The following FHIT variants were observed in gnomAD, a reference collection of about 807,000 sequenced individuals.
FHIT encodes bis(5'-adenosyl)-triphosphatase.
A neutral mutation model predicts 17.9 loss-of-function variants in FHIT; 19 were observed. That is an observed-to-expected ratio of 1.06 (90% confidence interval 0.74 to 1.56). FHIT has a LOEUF of 1.56. Ranked by LOEUF, FHIT falls within the 40% of genes most tolerant of loss-of-function variation. The pLI is 0.00. For synonymous variants in FHIT, 81 were observed against 69.7 expected (o/e 1.16, Z -0.81); for missense variants, 248 against 189.2 (o/e 1.31, Z -1.82).
intron 5 of FHIT, among the ~76,000 whole-genome samples, chr3:60,026,507 T>C (rs1364209545): frequency 6.6e-6 from 1 of 152,192 alleles, no homozygotes; most frequent in Non-Finnish European, 1.5e-5. Context: ...CCCATCTCCA[T>C]TTTCTCATTT....
intron 5 of FHIT, among the ~76,000 whole-genome samples, chr3:60,440,489 C>G (rs890544292): frequency 6.6e-6 from 1 of 152,046 alleles, no homozygotes; most frequent in South Asian, 2.1e-4. Context: ...TAATATGTAC[C>G]AGGTCCTACG....
chr3:59,786,250 G>A (rs1397123348), intron 8 of FHIT, among the ~76,000 whole-genome samples: 1 of 152,098 alleles, frequency 6.6e-6, no homozygotes, highest in Non-Finnish European at 1.5e-5. Flanking sequence ...TGAATTACTT[G>A]GGGTGCAGCT....
intron 4 of FHIT, among the ~76,000 whole-genome samples, chr3:60,554,481 A>T (rs1248771114): frequency 1.3e-5 from 2 of 152,208 alleles, no homozygotes; most frequent in Non-Finnish European, 2.9e-5. Flanking sequence ...CATGGACTGT[A>T]TGAAGACATT....
At chr3:59,885,136 G>C (rs533614867) in intron 8 of FHIT, among the ~76,000 whole-genome samples, 1 of 152,272 alleles carries the variant, frequency 6.6e-6, no homozygotes, top group African/African-American at 2.4e-5. Context: ...TGGCGCAAAA[G>C]AAAGCTCATC....
At chr3:61,019,424 G>T (rs566588527) in intron 3 of FHIT, among the ~76,000 whole-genome samples, 4 of 152,156 alleles carry the variant, frequency 2.6e-5, no homozygotes, top group Non-Finnish European at 5.9e-5. Context: ...GAGTAAGGAA[G>T]GAAACAGCAA....
intron 5 of FHIT, among the ~76,000 whole-genome samples, chr3:60,518,261 A>G (rs1366928247): frequency 6.6e-6 from 1 of 152,346 alleles, no homozygotes; most frequent in East Asian, 1.9e-4. Context: ...GTAGAGGGTT[A>G]ATTCGTAAAA....
chr3:60,367,123 G>A (rs1314133265), intron 5 of FHIT, among the ~76,000 whole-genome samples: 1 of 152,142 alleles, frequency 6.6e-6, no homozygotes, highest in African/African-American at 2.4e-5. Flanking sequence ...CTTCCCCTAA[G>A]AATACTAAAT....
intron 5 of FHIT, among the ~76,000 whole-genome samples, chr3:60,130,824 TAG>T (rs1559660846): frequency 4.7e-5 from 7 of 149,498 alleles, no homozygotes; most frequent in Non-Finnish European, 1.0e-4. Context: ...TATGTGTGTA[TAG>T]GTGTGTACAT....
intron 4 of FHIT, among the ~76,000 whole-genome samples, chr3:60,694,309 A>AAAGG (rs1455806216): frequency 6.6e-6 from 1 of 152,102 alleles, no homozygotes; most frequent in Non-Finnish European, 1.5e-5. Context: ...AAAAAAAAAG[A>AAAGG]AAGGAAAGAA....
intron 4 of FHIT, among the ~76,000 whole-genome samples, chr3:60,550,857 A>G (rs241683): frequency 0.95 from 144,538 of 152,176 alleles, 68,715 homozygotes; most frequent in East Asian, 1. Context: ...CACAGGGTGC[A>G]TATTGCAAGC....
At chr3:60,135,332 C>T (rs1699772942) in intron 5 of FHIT, among the ~76,000 whole-genome samples, 1 of 152,032 alleles carries the variant, frequency 6.6e-6, no homozygotes, top group South Asian at 2.1e-4. Context: ...CGAGAAAATG[C>T]TTAAGTTTCA....
At chr3:60,778,094 T>G (rs1217843778) in intron 4 of FHIT, among the ~76,000 whole-genome samples, 1 of 152,236 alleles carries the variant, frequency 6.6e-6, no homozygotes, top group Non-Finnish European at 1.5e-5. Flanking sequence ...ATGCTCAATC[T>G]TCTTTAGGTT....
intron 4 of FHIT, chr3:60,553,244 AT>A (rs907445794): frequency 1.3e-3 from 241 of 184,006 alleles, no homozygotes; most frequent in Middle Eastern, 2.9e-3. Context: ...TGCCACAGGA[AT>A]TTTTTTTTTA....
intron 1 of FHIT, among the ~76,000 whole-genome samples, chr3:61,209,093 T>C (rs2106742746): frequency 6.6e-6 from 1 of 152,210 alleles, no homozygotes; most frequent in African/African-American, 2.4e-5. Context: ...TTTGGCTGGA[T>C]ATGAAATGCT....
At position 59,756,796 on chromosome 3, in the gene FHIT, T is replaced by A. The variant is rs376566437; in HGVS notation, c.349-4475A>T. On this transcript the variant is annotated intron_variant, in intron 8 of 9. Transcript: ENST00000492590. ...TCATTTTGTGCACTCCAGGGCTTAT[T>A]ATTATTGCATGGTCTTATTGCACGG... Among the ~76,000 whole-genome samples the A allele has an allele frequency of 1.6e-4, 25 of 152,296 alleles. No individual in the cohort carries two copies. In the South Asian group the frequency reaches 5.0e-3, roughly 30 times the overall value.
intron 8 of FHIT, among the ~76,000 whole-genome samples, chr3:59,865,590 A>G (rs1230446225): frequency 6.6e-6 from 1 of 152,250 alleles, no homozygotes; most frequent in East Asian, 1.9e-4. Flanking sequence ...GAGCCTCTGC[A>G]GGACATAAAA....
chr3:60,772,412 C>T (rs1361157154), intron 4 of FHIT, among the ~76,000 whole-genome samples: 4 of 148,644 alleles, frequency 2.7e-5, no homozygotes, highest in Admixed American at 1.4e-4. Flanking sequence ...AACCAGAATA[C>T]GAATACCAAG....
intron 5 of FHIT, among the ~76,000 whole-genome samples, chr3:60,355,251 G>A (rs1020068041): frequency 6.6e-6 from 1 of 152,128 alleles, no homozygotes; most frequent in Admixed American, 6.5e-5. Flanking sequence ...CGATTTACAA[G>A]CTTTCCATTT....
chr3:60,255,502 CG>C (rs1373423050), intron 5 of FHIT, among the ~76,000 whole-genome samples: 1 of 152,014 alleles, frequency 6.6e-6, no homozygotes, highest in Non-Finnish European at 1.5e-5. Context: ...AAGCACCACC[CG>C]GGGCGACAAA....
Sources: gnomAD v4.1 joint callset for allele counts (sites outside exome capture counted in the v4.1 genomes callset) on GRCh38, gnomAD v4.1.1 for gene constraint, MANE v1.5 for transcripts, NCBI Gene and HGNC (gene_info 2026-07-23, HGNC 2026-07-21) for gene names.